Variants in WWP1 observed in about 807,000 individuals in gnomAD.
WWP1 encodes WW domain containing E3 ubiquitin protein ligase 1, also known as NEDD4-like E3 ubiquitin-protein ligase WWP1.
A neutral mutation model predicts 130.6 loss-of-function variants in WWP1; 49 were observed. The observed-to-expected ratio is 0.38, with a 90% CI of 0.30 to 0.48. WWP1 has a LOEUF of 0.48. Ranked by LOEUF, WWP1 falls within the 20% of genes least tolerant of loss-of-function variation. WWP1 has a pLI of 0.99. For synonymous variants in WWP1, 332 were observed against 367.8 expected (o/e 0.90, Z 1.11); for missense variants, 809 against 1,100.6 (o/e 0.74, Z 3.75).
intron 5 of WWP1, among the ~76,000 whole-genome samples, chr8:86,396,118 A>G (rs1807646598): frequency 6.7e-6 from 1 of 148,560 alleles, no homozygotes; most frequent in Non-Finnish European, 1.5e-5. Context: ...TTTTTTTTTG[A>G]GATGGAGTCT....
chr8:86,371,999 C>T (rs893882923), intron 2 of WWP1, among the ~76,000 whole-genome samples: 2 of 148,960 alleles, frequency 1.3e-5, no homozygotes, highest in Admixed American at 1.3e-4. Context: ...CCCACCACCA[C>T]GCCTGGCTAA....
Position 86,464,666 on chromosome 8 carries a change from C to G in WWP1, c.2670-2128C>G, listed in dbSNP as rs114262890. Among the ~76,000 whole-genome samples the G allele has an allele frequency of 6.4e-3, 972 of 152,226 alleles. 7 individuals are homozygous for G. Among genetic ancestry groups the G allele is most frequent in the African/African-American group, 0.022 (926 of 41,540 alleles). On this transcript the variant is annotated intron_variant, in intron 24 of 24. Coordinates refer to ENST00000517970, the MANE Select transcript of WWP1 (RefSeq NM_007013.4). ...CAGTAGCTGGGACCACCAGTGCACG[C>G]CACTATGCCTGGCTAATTTTTTAAT...
chr8:86,363,331 C>T (rs1164571937), intron 1 of WWP1, among the ~76,000 whole-genome samples: 1 of 152,146 alleles, frequency 6.6e-6, no homozygotes, highest in African/African-American at 2.4e-5. Context: ...AGCTGGTCTG[C>T]TGGTCTGCTT....
In WWP1 at chr8:86,427,662, G is replaced by A; in HGVS notation, c.1177G>A (p.Asp393Asn). The A allele has an allele frequency of 1.9e-6, 3 of 1,607,826 alleles. No homozygotes were observed. The highest frequency in any genetic ancestry group is 2.6e-6 in the Non-Finnish European group (3 of 1,176,366). Reference sequence around the variant, plus strand: ...TGGTAGTTGGGAAAGAAGAGTTGATGATCGTAGAAGAGTTTATTATGTGGA... The same window carrying A: ...TGGTAGTTGGGAAAGAAGAGTTGATAATCGTAGAAGAGTTTATTATGTGGA... ...LPPGWERRVD[D>N]RRRVYYVDHN... The change falls in exon 11 of 25, where the codon GAT becomes AAT. Residue 393 changes from aspartate to asparagine, a missense_variant. Around this residue, in one of 3 missense-constraint regions of WWP1, gnomAD observed 450 missense variants for 674.2 expected, o/e 0.67. Transcript: ENST00000517970.
At chr8:86,432,401 T>C (rs2130682531) in intron 14 of WWP1, among the ~76,000 whole-genome samples, 1 of 152,306 alleles carries the variant, frequency 6.6e-6, no homozygotes, top group South Asian at 2.1e-4. Context: ...TATCAAAGTC[T>C]CGTCCCTCTG....
chr8:86,459,031 T>C (rs1021843746), intron 22 of WWP1, among the ~76,000 whole-genome samples: 1,270 of 120,406 alleles, frequency 0.011, 10 homozygotes, highest in African/African-American at 0.033. Context: ...TTCTTTTTTT[T>C]TTTTTTTTTT....
chr8:86,448,630 C>A, intron 20 of WWP1, 117 bp downstream of exon 20: 1 of 931,224 alleles, frequency 1.1e-6, no homozygotes, highest in Non-Finnish European at 1.5e-6. Context: ...CTCACCAGTA[C>A]CAATGTTCTT....
intron 1 of WWP1, among the ~76,000 whole-genome samples, chr8:86,363,310 T>G (rs72688567): frequency 0.054 from 8,257 of 152,232 alleles, 312 homozygotes; most frequent in Non-Finnish European, 0.086. Flanking sequence ...CTGTTACCTG[T>G]TTTTAGGGAA....
At chr8:86,401,073 G>A (rs571766517) in intron 7 of WWP1, among the ~76,000 whole-genome samples, 2 of 150,840 alleles carry the variant, frequency 1.3e-5, no homozygotes, top group South Asian at 4.2e-4. Context: ...CTGCCAATAA[G>A]ACTTAAAATG....
intron 7 of WWP1, 78 bp from the exon 8 acceptor site, chr8:86,401,941 A>G: frequency 7.7e-7 from 1 of 1,301,210 alleles, no homozygotes; most frequent in Admixed American, 2.8e-5. Context: ...AAGAGAATTT[A>G]GTAAATCCTA....
Position 86,467,621 on chromosome 8 carries a change from TACA to T in WWP1, c.*729_*731del. ...TCATTGAGCAGCATAGAAGTTTGTT[TACA>T]TGTTACTTTGAGATGCTAGGTATTT... On this transcript the variant is annotated 3_prime_UTR_variant, in exon 25 of 25. Coordinates refer to ENST00000517970, the MANE Select transcript of WWP1 (RefSeq NM_007013.4). The T allele has an allele frequency of 6.6e-6, 1 of 152,400 alleles. No homozygotes were observed. Among genetic ancestry groups the T allele is most frequent in the Middle Eastern group, 3.4e-3 (1 of 294 alleles). The allele number at this position is 152,400 out of a possible 1,614,324, so 9.4% of individuals were successfully genotyped here.
In WWP1 at chr8:86,466,752, A is replaced by T. The variant is rs766984847; in HGVS notation, c.2670-42A>T. ...AAAAGTATTCTATTAGATTTTTTTCATTTTATTGAAAACATCTGATTTTGT... is the reference window on the plus strand; with the variant it reads ...AAAAGTATTCTATTAGATTTTTTTCTTTTTATTGAAAACATCTGATTTTGT... On this transcript the variant is annotated intron_variant, in intron 24 of 24. Coordinates refer to ENST00000517970, the MANE Select transcript of WWP1 (RefSeq NM_007013.4). 1.5e-6 allele frequency: 2 copies of T among 1,351,966 alleles called. No individual in the cohort carries two copies. The highest frequency in any genetic ancestry group is 2.3e-5 in the Admixed American group (1 of 43,930). The allele number at this position is 1,351,966 out of a possible 1,614,324, so 83.7% of individuals were successfully genotyped here.
At chr8:86,423,812 C>CCG (rs1491092816) in intron 9 of WWP1, among the ~76,000 whole-genome samples, 1 of 9,528 alleles carries the variant, frequency 1.0e-4, no homozygotes, top group Non-Finnish European at 3.4e-4. Flanking sequence ...GGCAGAGGCG[C>CCG]CCCCCCCCCA....
chr8:86,455,890 A>G lies in WWP1; in HGVS notation c.2395-2031A>G, dbSNP rs181522011. Among the ~76,000 whole-genome samples the G allele has an allele frequency of 1.3e-3, 205 of 152,094 alleles. 2 individuals are homozygous for G. The highest frequency in any genetic ancestry group is 4.7e-3 in the African/African-American group (197 of 41,552). On this transcript the variant is annotated intron_variant, in intron 21 of 24. Transcript: ENST00000517970. ...GATTTCTAACACCATAGTAAATAAGATAGCGTGGTATTTGTGAAAGAATAG... is the reference window on the plus strand; with the variant it reads ...GATTTCTAACACCATAGTAAATAAGGTAGCGTGGTATTTGTGAAAGAATAG...
At chr8:86,370,405 G>A (rs1824218244) in intron 2 of WWP1, among the ~76,000 whole-genome samples, 1 of 152,098 alleles carries the variant, frequency 6.6e-6, no homozygotes, top group Non-Finnish European at 1.5e-5. Flanking sequence ...AAACATTTCT[G>A]TACACTAGTT....
At chr8:86,343,037 C>T (rs1822313014) in intron 1 of WWP1, 107 bp downstream of exon 1, 1 of 298,484 alleles carries the variant, frequency 3.4e-6, no homozygotes, top group Non-Finnish European at 6.2e-6. Context: ...CGTCCGCCCC[C>T]GGGCTGGACC....
intron 5 of WWP1, among the ~76,000 whole-genome samples, chr8:86,385,730 AG>A (rs368366128): frequency 5.1e-4 from 77 of 152,344 alleles, no homozygotes; most frequent in African/African-American, 1.8e-3. Flanking sequence ...CCAACTTGAA[AG>A]TAGACACTGT....
intron 1 of WWP1, among the ~76,000 whole-genome samples, chr8:86,363,107 A>G (rs1823764954): frequency 6.6e-6 from 1 of 152,180 alleles, no homozygotes; most frequent in Non-Finnish European, 1.5e-5. Context: ...GCTTTTATTC[A>G]TGATCCATGA....
intron 14 of WWP1, among the ~76,000 whole-genome samples, chr8:86,432,619 T>C (rs1383261874): frequency 6.6e-6 from 1 of 152,098 alleles, no homozygotes; most frequent in Non-Finnish European, 1.5e-5. Context: ...TTTTTGTTTT[T>C]TTTTTGAGAC....
Sources: gnomAD v4.1 joint callset for allele counts (sites outside exome capture counted in the v4.1 genomes callset) on GRCh38, gnomAD v4.1.1 for gene constraint, gnomAD v4.1.1 regional missense constraint, MANE v1.5 for transcripts, NCBI Gene and HGNC (gene_info 2026-07-23, HGNC 2026-07-21) for gene names.